BNC2: variants seen among roughly 807,000 people sequenced by gnomAD.
The protein encoded by BNC2 is basonuclin zinc finger protein 2, also known as zinc finger protein basonuclin-2.
A neutral mutation model predicts 76.3 loss-of-function variants in BNC2; 20 were observed. The ratio of observed to expected loss-of-function variants is 0.26; its 90% CI spans 0.18 to 0.38. BNC2 has a LOEUF of 0.38. Among genes scored for constraint, BNC2 ranks in the 10% least tolerant of loss-of-function variants. BNC2 has a pLI of 1.00. For synonymous variants in BNC2, 582 were observed against 514.8 expected (o/e 1.13, Z -1.77); for missense variants, 1,382 against 1,399.8 (o/e 0.99, Z 0.20).
chr9:16,441,902 TAAAAC>T (rs1446683658), intron 5 of BNC2, among the ~76,000 whole-genome samples: 1 of 152,166 alleles, frequency 6.6e-6, no homozygotes, highest in Non-Finnish European at 1.5e-5. Flanking sequence ...TAAACACTAA[TAAAAC>T]AAAAATTCAG....
intron 3 of BNC2, among the ~76,000 whole-genome samples, chr9:16,702,937 G>A (rs566360355): frequency 1.3e-5 from 2 of 152,244 alleles, no homozygotes; most frequent in South Asian, 2.1e-4. Flanking sequence ...ACTATTCCAC[G>A]AAGTTTCCAA....
At chr9:16,658,561 A>G (rs772407448) in intron 3 of BNC2, among the ~76,000 whole-genome samples, 2 of 152,180 alleles carry the variant, frequency 1.3e-5, no homozygotes, top group Non-Finnish European at 2.9e-5. Flanking sequence ...AAATGGTCTA[A>G]GCCACAATTA....
Position 16,437,296 on chromosome 9 carries a change from G to A in BNC2, c.898C>T (p.His300Tyr), listed in dbSNP as rs1821038809. The change falls in exon 6 of 7, where the codon CAC becomes TAC. Residue 300 changes from histidine (H) to tyrosine (Y), a missense_variant. Around this residue, in one of 3 missense-constraint regions of BNC2, gnomAD observed 557 missense variants for 540.9 expected, o/e 1.03. Coordinates refer to ENST00000380672, the MANE Select transcript of BNC2 (RefSeq NM_017637.6). ...NRTRSPSLLA[H>Y]LENSNPSSIH... ...CTGGAAGGATTGCTGTTCTCTAAGT[G>A]AGCAAGGAGGCTGGGACTCCTGGTG... 4 of 1,614,036 alleles carry A rather than the reference G, an allele frequency of 2.5e-6. No individual in the cohort carries two copies. Among genetic ancestry groups the A allele is most frequent in the Non-Finnish European group, 3.4e-6 (4 of 1,180,042 alleles).
intron 3 of BNC2, among the ~76,000 whole-genome samples, chr9:16,702,593 G>C (rs1238446793): frequency 6.8e-6 from 1 of 146,252 alleles, no homozygotes; most frequent in Non-Finnish European, 1.5e-5. Flanking sequence ...CTTTCCTAGA[G>C]ATAAATGAAG....
At chr9:16,497,565 C>G (rs570438791) in intron 5 of BNC2, among the ~76,000 whole-genome samples, 3 of 152,174 alleles carry the variant, frequency 2.0e-5, no homozygotes, top group Admixed American at 6.5e-5. Context: ...TCTCATGGAC[C>G]TAAAAGTTTG....
chr9:16,491,351 T>C (rs1380838266), intron 5 of BNC2, among the ~76,000 whole-genome samples: 1 of 152,116 alleles, frequency 6.6e-6, no homozygotes, highest in Non-Finnish European at 1.5e-5. Flanking sequence ...GGAAAGGGTC[T>C]CATGCTGGGG....
intron 6 of BNC2, among the ~76,000 whole-genome samples, chr9:16,431,088 T>C (rs957298916): frequency 2.0e-5 from 3 of 152,246 alleles, no homozygotes; most frequent in Middle Eastern, 3.4e-3. Flanking sequence ...GTAAAACTCA[T>C]GTAGGATGAA....
chr9:16,698,203 T>C (rs1823395754), intron 3 of BNC2, among the ~76,000 whole-genome samples: 1 of 152,138 alleles, frequency 6.6e-6, no homozygotes, highest in South Asian at 2.1e-4. Flanking sequence ...TGCCAATCTC[T>C]CTCTTAAGCT....
intron 4 of BNC2, among the ~76,000 whole-genome samples, chr9:16,562,051 C>T (rs931420308): frequency 3.3e-5 from 5 of 152,002 alleles, no homozygotes; most frequent in Non-Finnish European, 7.4e-5. Flanking sequence ...CTCATATTTC[C>T]CTGACTATAC....
At position 16,436,345 on chromosome 9, in the gene BNC2, T is replaced by C. The variant is rs1360975611; in HGVS notation, c.1849A>G (p.Met617Val). ...GCACTGGGCTCATGGGTGGCCATCATCACTGCTGGCACTACTGGCTCAGAG... is the reference window on the plus strand; with the variant it reads ...GCACTGGGCTCATGGGTGGCCATCACCACTGCTGGCACTACTGGCTCAGAG... The part of the protein sequence containing the change: ...PPSEPVVPAV[M>V]MATHEPSADL... The change falls in exon 6 of 7, where the codon ATG becomes GTG. Residue 617 changes from methionine (M) to valine (V), a missense_variant. Coordinates refer to ENST00000380672, the MANE Select transcript of BNC2 (RefSeq NM_017637.6). 6.8e-6 allele frequency: 11 copies of C among 1,614,150 alleles called. No homozygotes were observed. The highest frequency in any genetic ancestry group is 1.6e-4 in the Middle Eastern group (1 of 6,062).
chr9:16,748,501 G>A (rs1178001673), intron 1 of BNC2, among the ~76,000 whole-genome samples: 1 of 151,822 alleles, frequency 6.6e-6, no homozygotes, highest in Non-Finnish European at 1.5e-5. Context: ...GAGACAGAGT[G>A]AGACATTGTC....
intron 5 of BNC2, among the ~76,000 whole-genome samples, chr9:16,496,238 A>C (rs560842270): frequency 2.0e-5 from 3 of 152,096 alleles, no homozygotes; most frequent in African/African-American, 2.4e-5. Context: ...AAACAAAAAA[A>C]CAAAACAAAA....
chr9:16,670,383 T>C (rs80144700), intron 3 of BNC2, among the ~76,000 whole-genome samples: 4,872 of 152,284 alleles, frequency 0.032, 139 homozygotes, highest in African/African-American at 0.074. Flanking sequence ...GGCGCGATCA[T>C]AGTTCACTGT....
At chr9:16,570,074 C>T (rs1180646069) in intron 4 of BNC2, among the ~76,000 whole-genome samples, 1 of 152,108 alleles carries the variant, frequency 6.6e-6, no homozygotes. Context: ...CACCCTACCC[C>T]CCAGTTATTC....
chr9:16,583,032 C>T lies in BNC2; in HGVS notation c.384G>A (p.Lys128=). 3 of 1,614,030 alleles carry T rather than the reference C, an allele frequency of 1.9e-6. No homozygotes were observed. The highest frequency in any genetic ancestry group is 2.5e-6 in the Non-Finnish European group (3 of 1,179,966). The stretch of plus-strand genomic sequence containing the variant: ...ACTGATCACAAGTCCTCAGGTTAAT[C>T]TTCCCTGGCTGAAAACATTCACATG... ...NCTCECFQPG[K]INLRTCDQCK... is the part of the protein sequence containing the mutation. Residue 128 remains lysine (K), a synonymous_variant, in exon 4 of 7, where the codon AAG becomes AAA. Transcript: ENST00000380672.
At chr9:16,771,800 C>T (rs919658266) in intron 1 of BNC2, among the ~76,000 whole-genome samples, 1 of 152,212 alleles carries the variant, frequency 6.6e-6, no homozygotes, top group Middle Eastern at 3.4e-3. Flanking sequence ...AGATAAACTC[C>T]GCCAAGAAAT....
chr9:16,616,676 G>GA (rs2133511947), intron 3 of BNC2, among the ~76,000 whole-genome samples: 1 of 145,910 alleles, frequency 6.9e-6, no homozygotes, highest in South Asian at 2.2e-4. Context: ...GCAACAGAGT[G>GA]AGATCCTCTC....
At chr9:16,502,774 G>A (rs1398113519) in intron 5 of BNC2, among the ~76,000 whole-genome samples, 1 of 152,148 alleles carries the variant, frequency 6.6e-6, no homozygotes, top group Non-Finnish European at 1.5e-5. Context: ...TGTATCAACA[G>A]TAAGATTTAT....
At chr9:16,744,249 G>A (rs1299654326) in intron 1 of BNC2, among the ~76,000 whole-genome samples, 2 of 152,096 alleles carry the variant, frequency 1.3e-5, no homozygotes, top group Admixed American at 6.6e-5. Flanking sequence ...GATTACAGGC[G>A]TAAGCCACCA....
Sources: allele counts gnomAD v4.1 joint callset (sites outside exome capture counted in the v4.1 genomes callset), GRCh38; gene constraint gnomAD v4.1.1; regional missense constraint gnomAD v4.1.1; transcripts MANE v1.5; gene names NCBI Gene and HGNC (gene_info 2026-07-23, HGNC 2026-07-21).